Variants in UHRF2 observed in about 807,000 individuals in gnomAD.
UHRF2 encodes the protein ubiquitin like with PHD and ring finger domains 2.
UHRF2 carries 23 observed loss-of-function variants against 96.8 expected under a neutral mutation model. The observed-to-expected ratio is 0.24, with a 90% CI of 0.17 to 0.34. The LOEUF (loss-of-function observed/expected upper bound fraction) is 0.34, where lower values mean the gene tolerates loss of function less well. UHRF2 is among the 10% of genes least tolerant of loss of function. UHRF2 has a pLI of 1.00. For missense variants in UHRF2, 685 were observed against 981.5 expected, an observed-to-expected ratio of 0.70 and a Z score of 4.04; for synonymous variants, 385 against 332.6, an observed-to-expected ratio of 1.16 and a Z score of -1.72.
At chr9:6,500,782 T>C in intron 14 of UHRF2, 73 bp downstream of exon 14, 1 of 1,395,974 alleles carries the variant, frequency 7.2e-7, no homozygotes, top group Non-Finnish European at 9.7e-7. Flanking sequence ...ATGAAGTCTG[T>C]TTTTCACACA....
chr9:6,472,887 T>C (rs539493906), intron 4 of UHRF2, among the ~76,000 whole-genome samples: 1 of 152,136 alleles, frequency 6.6e-6, no homozygotes, highest in East Asian at 1.9e-4. Flanking sequence ...AGACACATAA[T>C]TTTTTTAAAA....
At chr9:6,440,571 T>C (rs915841101) in intron 3 of UHRF2, among the ~76,000 whole-genome samples, 4 of 152,196 alleles carry the variant, frequency 2.6e-5, no homozygotes, top group African/African-American at 7.2e-5. Context: ...GAAGACTTGC[T>C]TTAGACTTTG....
At chr9:6,481,937 CTTT>C in intron 7 of UHRF2, 52 bp from the exon 8 acceptor site, 1 of 1,587,784 alleles carries the variant, frequency 6.3e-7, no homozygotes, top group Non-Finnish European at 8.6e-7. Flanking sequence ...GAATTAAGGG[CTTT>C]CATTAAAATT....
chr9:6,492,284 C>A, intron 9 of UHRF2: 1 of 1,190,480 alleles, frequency 8.4e-7, no homozygotes, highest in Non-Finnish European at 1.1e-6. Context: ...TTATGGCACT[C>A]CCATAATAAC....
At chr9:6,464,980 T>C (rs1227873524) in intron 4 of UHRF2, among the ~76,000 whole-genome samples, 1 of 152,212 alleles carries the variant, frequency 6.6e-6, no homozygotes, top group African/African-American at 2.4e-5. Context: ...AATTTACATG[T>C]AGATTGTTTC....
chr9:6,500,450 A>G, intron 13 of UHRF2, 102 bp from the exon 14 acceptor site: 1 of 1,006,188 alleles, frequency 9.9e-7, no homozygotes. Flanking sequence ...TATGTTGGTT[A>G]TCTTTCTGCT....
chr9:6,453,054 A>G (rs115120645), intron 3 of UHRF2, among the ~76,000 whole-genome samples: 2,100 of 152,182 alleles, frequency 0.014, 45 homozygotes, highest in African/African-American at 0.047. Context: ...TGTATGCTTC[A>G]TTTTCATGAC....
chr9:6,440,292 C>A (rs1821087962), intron 3 of UHRF2, among the ~76,000 whole-genome samples: 1 of 152,114 alleles, frequency 6.6e-6, no homozygotes, highest in Non-Finnish European at 1.5e-5. Flanking sequence ...GGACTCTGAG[C>A]ATAACTTCTT....
At chr9:6,416,094 G>C (rs1162861491) in intron 1 of UHRF2, among the ~76,000 whole-genome samples, 1 of 151,952 alleles carries the variant, frequency 6.6e-6, no homozygotes, top group African/African-American at 2.4e-5. Context: ...TTTTAAGCCG[G>C]AGTCTTGCCC....
chr9:6,481,851 A>T, intron 7 of UHRF2, 85 bp downstream of exon 7: 3 of 1,542,832 alleles, frequency 1.9e-6, no homozygotes, highest in Non-Finnish European at 2.6e-6. Context: ...GGTATAAAAG[A>T]TTAAACAGTA....
At chr9:6,480,271 T>C (rs1177906393) in intron 6 of UHRF2, among the ~76,000 whole-genome samples, 2 of 152,246 alleles carry the variant, frequency 1.3e-5, no homozygotes, top group Non-Finnish European at 2.9e-5. Flanking sequence ...TTGTCACATA[T>C]AACCCTGATG....
At chr9:6,449,533 G>A (rs373500890) in intron 3 of UHRF2, 4 of 152,154 alleles carry the variant, frequency 2.6e-5, no homozygotes, top group African/African-American at 9.7e-5. Context: ...GGACAAAATG[G>A]CTTAAAAAGG....
At position 6,500,806 on chromosome 9, in the gene UHRF2, C is replaced by T. The variant is rs1051975295; in HGVS notation, c.2163+97C>T. On this transcript the variant is annotated intron_variant, in intron 14 of 15. Coordinates refer to ENST00000276893, the MANE Select transcript of UHRF2 (RefSeq NM_152896.3). Reference sequence around the variant, plus strand: ...GTTTTTCACACATCAGTCAAAACTTCATCCTTCTACCCGGTTTTCTAATCC... The same window carrying T: ...GTTTTTCACACATCAGTCAAAACTTTATCCTTCTACCCGGTTTTCTAATCC... 5.1e-6 allele frequency: 6 copies of T among 1,186,276 alleles called. No individual in the cohort carries two copies. In the East Asian group the frequency reaches 1.6e-4, roughly 31 times the overall value. 73.5% of individuals were successfully genotyped at this position (1,186,276 alleles called of 1,614,324 possible). A position where few individuals can be genotyped will look rare whatever the true frequency, so the allele number is the denominator to read the frequency against.
chr9:6,450,075 G>C (rs191927067), intron 3 of UHRF2, among the ~76,000 whole-genome samples: 1 of 152,182 alleles, frequency 6.6e-6, no homozygotes, highest in Admixed American at 6.5e-5. Context: ...TGTGAGTTCT[G>C]CTACATCATT....
chr9:6,452,224 G>T (rs1364815128), intron 3 of UHRF2, among the ~76,000 whole-genome samples: 2 of 151,970 alleles, frequency 1.3e-5, no homozygotes, highest in Non-Finnish European at 2.9e-5. Flanking sequence ...ATTGTTTTTA[G>T]ACCTGTTACA....
intron 15 of UHRF2, 139 bp from the exon 16 acceptor site, chr9:6,505,894 C>T (rs1387369546): frequency 8.5e-6 from 7 of 824,348 alleles, no homozygotes; most frequent in Non-Finnish European, 1.3e-5. Flanking sequence ...TTCCATAGTG[C>T]AGATTCAAGC....
chr9:6,446,422 C>T (rs965486357), intron 3 of UHRF2, among the ~76,000 whole-genome samples: 3 of 151,074 alleles, frequency 2.0e-5, no homozygotes, highest in Admixed American at 6.6e-5. Context: ...GGTTTACAGG[C>T]GTGAGCCACC....
intron 4 of UHRF2, among the ~76,000 whole-genome samples, chr9:6,471,456 A>G (rs1362274177): frequency 1.3e-5 from 2 of 152,214 alleles, no homozygotes; most frequent in African/African-American, 4.8e-5. Flanking sequence ...TGTGACCAAT[A>G]GAATATGGTG....
intron 9 of UHRF2, among the ~76,000 whole-genome samples, chr9:6,488,773 A>G (rs1824473365): frequency 6.6e-6 from 1 of 150,524 alleles, no homozygotes; most frequent in African/African-American, 2.4e-5. Context: ...AAGTGCTGGG[A>G]TTACAGGCAT....
Sources: allele counts gnomAD v4.1 joint callset (sites outside exome capture counted in the v4.1 genomes callset), GRCh38; gene constraint gnomAD v4.1.1; transcripts MANE v1.5; gene names NCBI Gene and HGNC (gene_info 2026-07-23, HGNC 2026-07-21).